The following DUSP18 variants were observed in gnomAD, a reference collection of about 807,000 sequenced individuals.
The protein encoded by DUSP18 is dual specificity phosphatase 18.
DUSP18 carries 4 observed loss-of-function variants against 6.3 expected under a neutral mutation model. That is an observed-to-expected ratio of 0.63 (90% confidence interval 0.31 to 1.45). DUSP18 has a LOEUF of 1.45. Among genes scored for constraint, DUSP18 ranks in the 40% most tolerant of loss-of-function variants. The pLI is 0.07. For synonymous variants in DUSP18, 96 were observed against 95.1 expected (o/e 1.01, Z -0.05); for missense variants, 235 against 247.7 (o/e 0.95, Z 0.34).
At position 30,661,906 on chromosome 22, in the gene DUSP18, G is replaced by T. The variant is rs2088481181; in HGVS notation, c.*1531C>A. On this transcript the variant is annotated 3_prime_UTR_variant, in exon 2 of 2. Coordinates refer to ENST00000334679, the MANE Select transcript of DUSP18 (RefSeq NM_152511.5). The stretch of plus-strand genomic sequence containing the variant: ...AGTCACTGTTTAGAAGTGATTGGGG[G>T]AAGCTGGAACTGTGCTCCTTGTTTC... The T allele has an allele frequency of 6.6e-6, 1 of 152,086 alleles. No homozygotes were observed. Among genetic ancestry groups the T allele is most frequent in the Non-Finnish European group, 1.5e-5 (1 of 68,044 alleles). 9.4% of individuals were successfully genotyped at this position (152,086 alleles called of 1,614,324 possible).
chr22:30,656,032 G>A (rs937380700), intron 2 of DUSP18, among the ~76,000 whole-genome samples: 2 of 151,910 alleles, frequency 1.3e-5, no homozygotes, highest in African/African-American at 4.8e-5. Context: ...CAGTGCAGTG[G>A]TGCCATCATA....
intron 1 of DUSP18, among the ~76,000 whole-genome samples, chr22:30,664,703 G>A (rs1037572882): frequency 2.0e-5 from 3 of 152,224 alleles, no homozygotes; most frequent in Non-Finnish European, 4.4e-5. Context: ...GACAGGATAT[G>A]CCCATGCGAA....
chr22:30,656,920 G>A (rs1246305529), downstream of DUSP18, among the ~76,000 whole-genome samples: 1 of 152,072 alleles, frequency 6.6e-6, no homozygotes, highest in Non-Finnish European at 1.5e-5. Context: ...TTCGAGACCA[G>A]CCTGGTCAAC....
chr22:30,656,030 T>C (rs1441130958), intron 2 of DUSP18, among the ~76,000 whole-genome samples: 1 of 151,878 alleles, frequency 6.6e-6, no homozygotes, highest in Non-Finnish European at 1.5e-5. Flanking sequence ...CGCAGTGCAG[T>C]GGTGCCATCA....
At chr22:30,665,511 C>T (rs753549425) in intron 1 of DUSP18, 5 of 471,052 alleles carry the variant, frequency 1.1e-5, no homozygotes, top group Non-Finnish European at 2.2e-5. Flanking sequence ...CTGGTCCATT[C>T]AGCAGAGGAC....
chr22:30,663,902 G>T lies in DUSP18; in HGVS notation c.102C>A (p.Ala34=). The T allele has an allele frequency of 6.2e-7, 1 of 1,614,138 alleles. No individual in the cohort carries two copies. The highest frequency in any genetic ancestry group is 1.1e-5 in the South Asian group (1 of 91,082). ...TKSLYISNGV[A]ANNKLMLSSN... ...TAGACAGCATGAGCTTGTTGTTGGC[G>T]GCCACACCATTGCTGATATACAGGC... Residue 34 remains alanine, a synonymous_variant, in exon 2 of 2, where the codon GCC becomes GCA. Transcript: ENST00000334679.
At chr22:30,664,241 G>A (rs2088574284) in intron 1 of DUSP18, among the ~76,000 whole-genome samples, 161 bp from the exon 2 acceptor site, 1 of 152,138 alleles carries the variant, frequency 6.6e-6, no homozygotes, top group Non-Finnish European at 1.5e-5. Context: ...CAGATACCCA[G>A]GTCCCTCTCC....
intron 1 of DUSP18, among the ~76,000 whole-genome samples, chr22:30,664,495 C>T (rs1167159539): frequency 6.6e-6 from 1 of 152,236 alleles, no homozygotes; most frequent in Non-Finnish European, 1.5e-5. Flanking sequence ...TCCAAATTCT[C>T]TCCTTCCTTC....
chr22:30,658,907 G>A (rs1269227880), downstream of DUSP18, among the ~76,000 whole-genome samples: 1 of 152,122 alleles, frequency 6.6e-6, no homozygotes, highest in Non-Finnish European at 1.5e-5. Context: ...CACTTTGGGA[G>A]GCTGAGGCGG....
downstream of DUSP18, among the ~76,000 whole-genome samples, chr22:30,658,693 T>C (rs892318929): frequency 4.6e-5 from 7 of 152,058 alleles, no homozygotes; most frequent in African/African-American, 9.7e-5. Flanking sequence ...TCCCATAAAG[T>C]TGCACATGAA....
At position 30,664,028 on chromosome 22, in the gene DUSP18, A is replaced by G. The variant is rs759580003; in HGVS notation, c.-25T>C. On this transcript the variant is annotated 5_prime_UTR_variant, in exon 2 of 2. Coordinates refer to ENST00000334679, the MANE Select transcript of DUSP18 (RefSeq NM_152511.5). Reference sequence around the variant, plus strand: ...TCAAGGCGGTGGGTCAGTGGTCAGCAGTCAGCGAAGCACGAAGGCTGCGTC... The same window carrying G: ...TCAAGGCGGTGGGTCAGTGGTCAGCGGTCAGCGAAGCACGAAGGCTGCGTC... 6.3e-7 allele frequency: 1 copy of G among 1,595,400 alleles called. No homozygotes were observed. Among genetic ancestry groups the G allele is most frequent in the East Asian group, 2.2e-5 (1 of 44,530 alleles).
downstream of DUSP18, among the ~76,000 whole-genome samples, chr22:30,657,336 G>A (rs1255471196): frequency 6.6e-6 from 1 of 151,224 alleles, no homozygotes; most frequent in Non-Finnish European, 1.5e-5. Flanking sequence ...GCGGGCACCT[G>A]TAATCCCAGC....
intron 1 of DUSP18, chr22:30,665,553 C>T: frequency 2.1e-6 from 1 of 471,010 alleles, no homozygotes; most frequent in Non-Finnish European, 4.4e-6. Flanking sequence ...AAGATATCAA[C>T]TTAAAGGTAA....
chr22:30,652,929 G>A (rs2088251295), intron 2 of DUSP18, among the ~76,000 whole-genome samples: 1 of 152,238 alleles, frequency 6.6e-6, no homozygotes, highest in Non-Finnish European at 1.5e-5. Flanking sequence ...GATTACTGAG[G>A]ACATCTCTGA....
chr22:30,656,509 C>G (rs1392210591), downstream of DUSP18, among the ~76,000 whole-genome samples: 1 of 152,178 alleles, frequency 6.6e-6, no homozygotes, highest in Non-Finnish European at 1.5e-5. Context: ...TGATTCCTCA[C>G]TTTTGGAGTG....
chr22:30,654,501 C>A, intron 2 of DUSP18: 1 of 433,432 alleles, frequency 2.3e-6, no homozygotes, highest in Non-Finnish European at 4.6e-6. Context: ...CCGTTAAACA[C>A]CTTGAGGCGG....
intron 1 of DUSP18, among the ~76,000 whole-genome samples, chr22:30,666,547 G>A (rs1336259642): frequency 6.8e-6 from 1 of 148,042 alleles, no homozygotes; most frequent in Admixed American, 6.9e-5. Flanking sequence ...GCTTGAACCC[G>A]GGAGGCGGAG....
intron 2 of DUSP18, among the ~76,000 whole-genome samples, chr22:30,652,474 C>T (rs2088240946): frequency 6.6e-6 from 1 of 152,226 alleles, no homozygotes; most frequent in African/African-American, 2.4e-5. Flanking sequence ...GGGCCATTAT[C>T]ATCTTCATTT....
downstream of DUSP18, among the ~76,000 whole-genome samples, chr22:30,659,745 T>C (rs1288778006): frequency 6.6e-6 from 1 of 152,252 alleles, no homozygotes; most frequent in Non-Finnish European, 1.5e-5. Flanking sequence ...TGTTACTTTA[T>C]ATGACAAAGG....
Sources: allele counts gnomAD v4.1 joint callset (sites outside exome capture counted in the v4.1 genomes callset), GRCh38; gene constraint gnomAD v4.1.1; transcripts MANE v1.5; gene names NCBI Gene and HGNC (gene_info 2026-07-23, HGNC 2026-07-21).